Variants in MARCHF1 observed in about 807,000 individuals in gnomAD.
MARCHF1 encodes the protein membrane associated ring-CH-type finger 1.
Under a neutral mutation model 54.2 loss-of-function variants are expected in MARCHF1, and 40 were observed. The ratio of observed to expected loss-of-function variants is 0.74; its 90% CI spans 0.57 to 0.96. MARCHF1 has a LOEUF of 0.96. Ranked by LOEUF, MARCHF1 falls within the 40% of genes least tolerant of loss-of-function variation. The pLI is 0.00. For missense variants in MARCHF1, 586 were observed against 656.5 expected, an observed-to-expected ratio of 0.89 and a Z score of 1.17; for synonymous variants, 236 against 236.3, an observed-to-expected ratio of 1.00 and a Z score of 0.01.
At chr4:163,808,617 G>A (rs967732873) in intron 4 of MARCHF1, among the ~76,000 whole-genome samples, 1 of 152,070 alleles carries the variant, frequency 6.6e-6, no homozygotes, top group Non-Finnish European at 1.5e-5. Context: ...CACCCAGTCT[G>A]GAGTGCAGTG....
chr4:163,574,181 T>A (rs1739954115), intron 8 of MARCHF1, among the ~76,000 whole-genome samples: 1 of 152,116 alleles, frequency 6.6e-6, no homozygotes, highest in African/African-American at 2.4e-5. Context: ...CCTTGTAAAT[T>A]TGTTTGAGTT....
intron 3 of MARCHF1, among the ~76,000 whole-genome samples, chr4:163,929,363 C>T (rs115444829): frequency 2.0e-5 from 3 of 151,994 alleles, no homozygotes; most frequent in South Asian, 2.1e-4. Flanking sequence ...AGTGCCTGTA[C>T]AGAGAACAAA....
At chr4:163,936,578 C>A (rs537990539) in intron 3 of MARCHF1, among the ~76,000 whole-genome samples, 1 of 152,268 alleles carries the variant, frequency 6.6e-6, no homozygotes, top group South Asian at 2.1e-4. Context: ...GATGGTACTT[C>A]AAGCTTGTGG....
chr4:164,062,945 C>A (rs1157539031), intron 2 of MARCHF1, among the ~76,000 whole-genome samples: 2 of 152,138 alleles, frequency 1.3e-5, no homozygotes, highest in Admixed American at 1.3e-4. Flanking sequence ...TTCCTGAGAG[C>A]TCTTGTATGA....
At chr4:163,679,393 A>G (rs577059200) in intron 5 of MARCHF1, among the ~76,000 whole-genome samples, 1 of 152,268 alleles carries the variant, frequency 6.6e-6, no homozygotes, top group South Asian at 2.1e-4. Flanking sequence ...TTTTAGCAGT[A>G]GATGGCAGCA....
intron 3 of MARCHF1, among the ~76,000 whole-genome samples, chr4:163,964,529 C>T (rs1441054330): frequency 1.3e-5 from 2 of 151,970 alleles, no homozygotes; most frequent in Non-Finnish European, 2.9e-5. Context: ...CCAAGTGATG[C>T]TGGCACTGTA....
At chr4:163,691,174 T>A (rs963349128) in intron 5 of MARCHF1, among the ~76,000 whole-genome samples, 1 of 152,216 alleles carries the variant, frequency 6.6e-6, no homozygotes, top group African/African-American at 2.4e-5. Context: ...ATCGAATTGT[T>A]GTATCAGGCC....
intron 2 of MARCHF1, among the ~76,000 whole-genome samples, chr4:164,001,428 TAGG>T (rs1475531827): frequency 6.6e-6 from 1 of 151,748 alleles, no homozygotes; most frequent in Non-Finnish European, 1.5e-5. Flanking sequence ...AAGGAAGCAG[TAGG>T]AGGTTAAAAA....
chr4:164,172,693 A>G (rs1217251967), intron 1 of MARCHF1, among the ~76,000 whole-genome samples: 1 of 152,210 alleles, frequency 6.6e-6, no homozygotes, highest in African/African-American at 2.4e-5. Context: ...AAAAGTCACT[A>G]CAGGCTGGGC....
chr4:164,368,334 T>C (rs1222638961), intron 1 of MARCHF1, among the ~76,000 whole-genome samples: 1 of 150,382 alleles, frequency 6.6e-6, no homozygotes, highest in African/African-American at 2.4e-5. Flanking sequence ...TAGAAAAACA[T>C]AAATATAATT....
rs1486508053 is a variant in MARCHF1 at position 164,142,860 on chromosome 4, G to A, written c.-322-31198C>T. Among the ~76,000 whole-genome samples the A allele has an allele frequency of 3.9e-5, 6 of 151,988 alleles. No individual in the cohort carries two copies. The East Asian group carries it at 7.7e-4, about 20-fold the overall frequency. ...GAGCTGAGAGAAGAAGGCTTCAGAC[G>A]ATCAAATTACTCTGAGCTACGGGAG... On this transcript the variant is annotated intron_variant, in intron 1 of 9. Coordinates refer to ENST00000514618, the MANE Select transcript of MARCHF1 (RefSeq NM_001394959.1).
chr4:163,605,306 A>T (rs1741105980), intron 7 of MARCHF1, among the ~76,000 whole-genome samples: 1 of 152,160 alleles, frequency 6.6e-6, no homozygotes, highest in Admixed American at 6.6e-5. Flanking sequence ...TATGAAAAAA[A>T]GCTCATAATC....
chr4:164,303,376 G>T (rs565218010), intron 1 of MARCHF1, among the ~76,000 whole-genome samples: 17 of 152,306 alleles, frequency 1.1e-4, no homozygotes, highest in Admixed American at 2.0e-4. Context: ...TTGTGGTGGG[G>T]AAGAACACTT....
intron 1 of MARCHF1, among the ~76,000 whole-genome samples, chr4:164,374,753 A>G (rs2062944): frequency 0.53 from 79,951 of 151,842 alleles, 21,847 homozygotes; most frequent in East Asian, 0.65. Context: ...TCTTTCATGT[A>G]GTAGTTACTT....
At chr4:164,255,356 C>CA (rs574166683) in intron 1 of MARCHF1, among the ~76,000 whole-genome samples, 3 of 119,252 alleles carry the variant, frequency 2.5e-5, no homozygotes, top group Non-Finnish European at 3.5e-5. Flanking sequence ...CAGTGAAGGG[C>CA]AAAATACAAT....
chr4:163,738,285 C>A (rs181347476), intron 4 of MARCHF1, among the ~76,000 whole-genome samples: 4 of 152,280 alleles, frequency 2.6e-5, no homozygotes, highest in African/African-American at 9.6e-5. Flanking sequence ...GTGGAAGTTT[C>A]CACCAAAGAA....
At chr4:164,087,463 CAGAT>C (rs1471590847) in intron 2 of MARCHF1, among the ~76,000 whole-genome samples, 1 of 151,970 alleles carries the variant, frequency 6.6e-6, no homozygotes, top group African/African-American at 2.4e-5. Context: ...CATAGAAACA[CAGAT>C]AGACAAAGTA....
chr4:163,573,295 CTTATTATTATTATTATTA>C (rs34017689), intron 8 of MARCHF1, among the ~76,000 whole-genome samples: 5 of 144,326 alleles, frequency 3.5e-5, no homozygotes, highest in African/African-American at 1.3e-4. Flanking sequence ...TGCTTTTTCT[CTTATTATTATTATTATTA>C]TTATTATTAT....
chr4:164,183,989 T>C (rs1016509481), intron 1 of MARCHF1, among the ~76,000 whole-genome samples: 1 of 152,082 alleles, frequency 6.6e-6, no homozygotes, highest in Admixed American at 6.6e-5. Flanking sequence ...CAGGAAGAGG[T>C]TCGCTTTAGA....
Sources: gnomAD v4.1 joint callset for allele counts (sites outside exome capture counted in the v4.1 genomes callset) on GRCh38, gnomAD v4.1.1 for gene constraint, MANE v1.5 for transcripts, NCBI Gene and HGNC (gene_info 2026-07-23, HGNC 2026-07-21) for gene names.